The following NDUFV2 variants were observed in gnomAD, a reference collection of about 807,000 sequenced individuals.
NDUFV2 encodes the protein NADH:ubiquinone oxidoreductase core subunit V2.
A neutral mutation model predicts 31.6 loss-of-function variants in NDUFV2; 18 were observed. The ratio of observed to expected loss-of-function variants is 0.57; its 90% CI spans 0.39 to 0.84. The LOEUF is 0.84. NDUFV2 is among the 40% of genes least tolerant of loss of function. The probability of loss-of-function intolerance (pLI) is 0.00; values close to 1 mark genes in which losing one functional copy is unlikely to be tolerated. For missense variants in NDUFV2, 314 were observed against 303.6 expected (o/e 1.03, Z -0.26); for synonymous variants, 83 against 99.8 (o/e 0.83, Z 1.01).
At chr18:9,106,441 A>C (rs1201348489) in intron 1 of NDUFV2, among the ~76,000 whole-genome samples, 1 of 152,174 alleles carries the variant, frequency 6.6e-6, no homozygotes, top group Non-Finnish European at 1.5e-5. Context: ...TTGCCCTGAC[A>C]GTGTCTACTT....
At position 9,102,743 on chromosome 18, in the gene NDUFV2, C is replaced by A. The variant is rs752827701; in HGVS notation, c.-1C>A. 1 of 1,584,950 alleles carries A rather than the reference C, an allele frequency of 6.3e-7. No individual in the cohort carries two copies. Among genetic ancestry groups the A allele is most frequent in the South Asian group, 1.1e-5 (1 of 87,276 alleles). ...GGGGAAGGTGAACAGTGTGGCCCGC[C>A]ATGTTCTTCTCCGCGGCGCTCCGGG... On this transcript the variant is annotated 5_prime_UTR_variant, in exon 1 of 8. Transcript: ENST00000318388.
Position 9,125,003 on chromosome 18 carries a change from CAAGTTA to C in NDUFV2, c.579+26_579+31del, listed in dbSNP as rs1429062509. 3.1e-6 allele frequency: 5 copies of C among 1,609,956 alleles called. No individual in the cohort carries two copies. Among genetic ancestry groups the C allele is most frequent in the Non-Finnish European group, 4.2e-6 (5 of 1,177,094 alleles). On this transcript the variant is annotated intron_variant, in intron 6 of 7. Transcript: ENST00000318388. ...TACTATGTGAGTATTTCAGGTAATA[CAAGTTA>C]AAGTTGTATGATGTCATATTTAAAA...
rs1428682980 is a variant in NDUFV2, at chr18:9,124,951, G to A, written c.547G>A (p.Ala183Thr). 4.3e-6 allele frequency: 7 copies of A among 1,613,198 alleles called. No individual in the cohort carries two copies. Among genetic ancestry groups the A allele is most frequent in the Admixed American group, 3.3e-5 (2 of 59,964 alleles). ...GGAATGTTTAGGGGCCTGTGTGAACGCACCAATGGTTCAAATAAATGACAA... is the reference window on the plus strand; with the variant it reads ...GGAATGTTTAGGGGCCTGTGTGAACACACCAATGGTTCAAATAAATGACAA... The part of the protein sequence containing the change: ...EVECLGACVN[A>T]PMVQINDNYY... The change falls in exon 6 of 8, where the codon GCA becomes ACA. Residue 183 changes from alanine to threonine, a missense_variant. Physicochemically the swap from Ala to Thr is moderately conservative, Grantham distance 58. Coordinates refer to ENST00000318388, the MANE Select transcript of NDUFV2 (RefSeq NM_021074.5).
At chr18:9,130,301 T>A (rs1293391805) in intron 7 of NDUFV2, among the ~76,000 whole-genome samples, 1 of 152,230 alleles carries the variant, frequency 6.6e-6, no homozygotes, top group African/African-American at 2.4e-5. Flanking sequence ...GTTAAGCATT[T>A]TCAACAACAT....
At chr18:9,110,045 T>C (rs2077862167) in intron 1 of NDUFV2, among the ~76,000 whole-genome samples, 1 of 152,194 alleles carries the variant, frequency 6.6e-6, no homozygotes, top group African/African-American at 2.4e-5. Flanking sequence ...TTGGACTCAA[T>C]TGGAATTTCT....
chr18:9,121,371 A>G, intron 4 of NDUFV2: 1 of 152,294 alleles, frequency 6.6e-6, no homozygotes, highest in Non-Finnish European at 1.5e-5. Flanking sequence ...GCCTCATTCC[A>G]GATTTATTAT....
rs191665984 is a variant in NDUFV2 at position 9,121,980 on chromosome 18, T to C, written c.301-533T>C. On this transcript the variant is annotated intron_variant, in intron 4 of 7. Transcript: ENST00000318388. ...ATGTGTATACATATATGTAGAGATA[T>C]AAAATTTTGAGTTTACATATTTAAA... Among the ~76,000 whole-genome samples, 17 of 152,314 alleles carry C rather than the reference T, an allele frequency of 1.1e-4. No homozygotes were observed. In the South Asian group the frequency reaches 1.2e-3, roughly 11 times the overall value.
intron 1 of NDUFV2, among the ~76,000 whole-genome samples, chr18:9,117,154 A>G (rs1159451869): frequency 6.6e-6 from 1 of 152,020 alleles, no homozygotes; most frequent in East Asian, 1.9e-4. Context: ...CTCCTGCCTA[A>G]GCCTCCCGAG....
At chr18:9,119,904 G>A (rs2077922622) in intron 4 of NDUFV2, among the ~76,000 whole-genome samples, 1 of 151,772 alleles carries the variant, frequency 6.6e-6, no homozygotes, top group South Asian at 2.1e-4. Context: ...AAGATATTCT[G>A]AAAATTAATG....
intron 7 of NDUFV2, among the ~76,000 whole-genome samples, chr18:9,127,824 G>A (rs1598351700): frequency 5.3e-5 from 8 of 152,264 alleles, no homozygotes; most frequent in Admixed American, 5.2e-4. Context: ...TTGTGGGACT[G>A]CCTCCTTTGT....
chr18:9,113,795 A>C (rs2077883427), intron 1 of NDUFV2, among the ~76,000 whole-genome samples: 1 of 152,182 alleles, frequency 6.6e-6, no homozygotes, highest in African/African-American at 2.4e-5. Flanking sequence ...CCTCCCAAAC[A>C]GACCCCCTTA....
At chr18:9,127,582 C>T (rs1334757183) in intron 7 of NDUFV2, among the ~76,000 whole-genome samples, 1 of 152,192 alleles carries the variant, frequency 6.6e-6, no homozygotes, top group African/African-American at 2.4e-5. Flanking sequence ...AGTGATTCCC[C>T]TGTCTCAGCC....
intron 1 of NDUFV2, among the ~76,000 whole-genome samples, chr18:9,106,029 T>C (rs926877681): frequency 1.1e-4 from 16 of 152,330 alleles, no homozygotes; most frequent in South Asian, 4.1e-4. Flanking sequence ...CTCCAAATAG[T>C]GTGTTTTGTT....
Position 9,126,930 on chromosome 18 carries a change from A to G in NDUFV2, c.656+23A>G, listed in dbSNP as rs75376247. On this transcript the variant is annotated intron_variant, in intron 7 of 7. Transcript: ENST00000318388. ...AAGGTATGCTTTATTTATATATAGG[A>G]AGTTTTAGTGGCTCACCTAAATTAA... is the stretch of plus-strand genomic sequence containing the variant. 2.6e-4 allele frequency: 412 copies of G among 1,570,084 alleles called. 4 individuals are homozygous for G. In the African/African-American group the frequency reaches 4.8e-3, roughly 18 times the overall value.
At chr18:9,104,166 A>G in intron 1 of NDUFV2, 1 of 1,612,862 alleles carries the variant, frequency 6.2e-7, no homozygotes, top group Non-Finnish European at 8.5e-7. Context: ...AGGACAACTT[A>G]AAGTCTTGTT....
rs1479635865 is a variant in NDUFV2, at chr18:9,116,438, TAAAA to T, written c.55-1396_55-1393del. On this transcript the variant is annotated intron_variant, in intron 1 of 7. Coordinates refer to ENST00000318388, the MANE Select transcript of NDUFV2 (RefSeq NM_021074.5). ...TGTTACTCAAAAATTGTTACTCGAT[TAAAA>T]AAATTTTCTGAGCTAAGATGACAGT... Among the ~76,000 whole-genome samples the T allele has an allele frequency of 3.9e-5, 6 of 152,188 alleles. No individual in the cohort carries two copies. In the East Asian group the frequency reaches 1.2e-3, roughly 29 times the overall value.
intron 4 of NDUFV2, 25 bp from the exon 5 acceptor site, chr18:9,122,485 CTTA>C: frequency 1.3e-6 from 2 of 1,562,442 alleles, no homozygotes; most frequent in Non-Finnish European, 1.8e-6. Context: ...CTGTAATTAT[CTTA>C]TTTTTAAATG....
intron 1 of NDUFV2, chr18:9,104,277 AGCTCCTG>A (rs1325518406): frequency 1.2e-6 from 2 of 1,612,442 alleles, no homozygotes; most frequent in Non-Finnish European, 1.7e-6. Context: ...CAGATATTGG[AGCTCCTG>A]GCGTGCCATA....
intron 1 of NDUFV2, among the ~76,000 whole-genome samples, chr18:9,109,254 G>A (rs2077857653): frequency 6.6e-6 from 1 of 152,116 alleles, no homozygotes; most frequent in Admixed American, 6.5e-5. Context: ...TAAATATTAG[G>A]GATCATCTAA....
Sources: allele counts gnomAD v4.1 joint callset (sites outside exome capture counted in the v4.1 genomes callset), GRCh38; gene constraint gnomAD v4.1.1; transcripts MANE v1.5; gene names NCBI Gene and HGNC (gene_info 2026-07-23, HGNC 2026-07-21).